SENP6: variants seen among roughly 807,000 people sequenced by gnomAD.
The protein encoded by SENP6 is SUMO specific peptidase 6.
In SENP6, 41 loss-of-function variants were observed where a neutral mutation model predicts 134.5. The ratio of observed to expected loss-of-function variants is 0.30; its 90% CI spans 0.24 to 0.40. The LOEUF (loss-of-function observed/expected upper bound fraction) is 0.40, where lower values mean the gene tolerates loss of function less well. SENP6 is among the 10% of genes least tolerant of loss of function. SENP6 has a pLI of 1.00. For missense variants in SENP6, 1,248 were observed against 1,312.5 expected (o/e 0.95, Z 0.76); for synonymous variants, 395 against 429.8 (o/e 0.92, Z 1.00).
At chr6:75,624,835 T>TA (rs1051280782) in intron 3 of SENP6, among the ~76,000 whole-genome samples, 14 of 151,950 alleles carry the variant, frequency 9.2e-5, no homozygotes, top group South Asian at 2.1e-4. Context: ...TTTAATTATT[T>TA]AAAAAAAATG....
In SENP6 at chr6:75,715,894, TATTTATAGGAGGAAATG is replaced by T. The variant is rs1775998900; in HGVS notation, c.*304_*320del. On this transcript the variant is annotated 3_prime_UTR_variant, in exon 24 of 24. Coordinates refer to ENST00000447266, the MANE Select transcript of SENP6 (RefSeq NM_015571.4). Reference sequence around the variant, plus strand: ...CTTCTAAACACAAATAAAAAGAAAATATTTATAGGAGGAAATGATTAATTTGATATTCTTTAGTGAAC... The same window carrying T: ...CTTCTAAACACAAATAAAAAGAAAATATTAATTTGATATTCTTTAGTGAAC... 1 of 186,068 alleles carries T rather than the reference TATTTATAGGAGGAAATG, an allele frequency of 5.4e-6. No individual in the cohort carries two copies. Among genetic ancestry groups the T allele is most frequent in the African/African-American group, 2.3e-5 (1 of 42,564 alleles). The allele number at this position is 186,068 out of a possible 1,614,324, so 11.5% of individuals were successfully genotyped here.
At chr6:75,660,462 T>C (rs1174170306) in intron 8 of SENP6, among the ~76,000 whole-genome samples, 4 of 152,340 alleles carry the variant, frequency 2.6e-5, no homozygotes, top group African/African-American at 9.6e-5. Flanking sequence ...TCTGTAACTT[T>C]CATGATGTTT....
chr6:75,602,641 C>T (rs1434836847), intron 1 of SENP6, 65 bp downstream of exon 1: 1 of 1,485,102 alleles, frequency 6.7e-7, no homozygotes, highest in Non-Finnish European at 9.2e-7. Flanking sequence ...GCCCCCAGAA[C>T]CCCGGATATT....
At chr6:75,660,972 C>T (rs1024133223) in intron 8 of SENP6, among the ~76,000 whole-genome samples, 1 of 152,112 alleles carries the variant, frequency 6.6e-6, no homozygotes, top group Non-Finnish European at 1.5e-5. Context: ...TCATTCATTT[C>T]TCTGAGGAGC....
intron 16 of SENP6, among the ~76,000 whole-genome samples, chr6:75,683,896 A>G (rs1339785783): frequency 6.6e-6 from 1 of 152,154 alleles, no homozygotes; most frequent in Non-Finnish European, 1.5e-5. Context: ...TTTTGGTTCC[A>G]TATGAACTTT....
chr6:75,675,353 A>G lies in SENP6; in HGVS notation c.1393-82A>G. The stretch of plus-strand genomic sequence containing the variant: ...AAGAGATAAACGAGTAATATAAGAA[A>G]CATTCTAAGTATTTGAATAAAAAAG... On this transcript the variant is annotated intron_variant, in intron 11 of 23. Transcript: ENST00000447266. 10 of 785,492 alleles carry G rather than the reference A, an allele frequency of 1.3e-5. No homozygotes were observed. In the South Asian group the frequency reaches 1.6e-4, roughly 13 times the overall value. 48.7% of individuals were successfully genotyped at this position (785,492 alleles called of 1,614,324 possible).
At chr6:75,626,544 A>G (rs1582700402) in intron 3 of SENP6, among the ~76,000 whole-genome samples, 2 of 152,138 alleles carry the variant, frequency 1.3e-5, no homozygotes, top group African/African-American at 4.8e-5. Context: ...CCTACTGATG[A>G]ATAGAGATTT....
intron 7 of SENP6, among the ~76,000 whole-genome samples, chr6:75,648,656 C>G (rs930032555): frequency 1.3e-5 from 2 of 152,104 alleles, no homozygotes; most frequent in Non-Finnish European, 2.9e-5. Flanking sequence ...ACTTTACATA[C>G]TAAGCATAGT....
At position 75,674,205 on chromosome 6, in the gene SENP6, G is replaced by T. The variant is rs958135306; in HGVS notation, c.1393-1230G>T. 2.6e-4 allele frequency among the ~76,000 whole-genome samples: 37 copies of T among 143,396 alleles called. No individual in the cohort carries two copies. In the Admixed American group the frequency reaches 2.7e-3, roughly 10 times the overall value. 94.1% of individuals were successfully genotyped at this position (143,396 alleles called of 152,430 possible). A position where few individuals can be genotyped will look rare whatever the true frequency, so the allele number is the denominator to read the frequency against. Reference sequence around the variant, plus strand: ...AAGGTCTCTCTTCGTTGCTCAGGCTGGAGTTCAGTGCTGCAGTCATAGCTA... The same window carrying T: ...AAGGTCTCTCTTCGTTGCTCAGGCTTGAGTTCAGTGCTGCAGTCATAGCTA... On this transcript the variant is annotated intron_variant, in intron 11 of 23. Coordinates refer to ENST00000447266, the MANE Select transcript of SENP6 (RefSeq NM_015571.4).
At chr6:75,672,728 ATGTT>A (rs1419229141) in intron 11 of SENP6, among the ~76,000 whole-genome samples, 1 of 152,218 alleles carries the variant, frequency 6.6e-6, no homozygotes, top group Non-Finnish European at 1.5e-5. Context: ...ATGTTTTACT[ATGTT>A]TAATGTTTTA....
In SENP6 at chr6:75,629,846, G is replaced by A. The variant is rs1768975060; in HGVS notation, c.208-3735G>A. On this transcript the variant is annotated intron_variant, in intron 3 of 23. Coordinates refer to ENST00000447266, the MANE Select transcript of SENP6 (RefSeq NM_015571.4). ...AGCCACATTTGAGGACTGCAACCTGGGAGCATAGATTTAGGTTCTCCCACA... is the reference window on the plus strand; with the variant it reads ...AGCCACATTTGAGGACTGCAACCTGAGAGCATAGATTTAGGTTCTCCCACA... Among the ~76,000 whole-genome samples, 7 of 152,178 alleles carry A rather than the reference G, an allele frequency of 4.6e-5. No individual in the cohort carries two copies. The South Asian group carries it at 1.5e-3, about 32-fold the overall frequency.
Position 75,705,971 on chromosome 6 carries a change from TAATC to T in SENP6, c.2716+2901_2716+2904del, listed in dbSNP as rs1378261771. Among the ~76,000 whole-genome samples, 4 of 137,018 alleles carry T rather than the reference TAATC, an allele frequency of 2.9e-5. No individual in the cohort carries two copies. In the East Asian group the frequency reaches 9.1e-4, roughly 31 times the overall value. The allele number at this position is 137,018 out of a possible 152,430, so 89.9% of individuals were successfully genotyped here. A position where few individuals can be genotyped will look rare whatever the true frequency, so the allele number is the denominator to read the frequency against. ...TTTTTTTTTGAGATGGAGTCTCTCT[TAATC>T]ACCCAGGCTGGAGTGCAGTGGCGTA... On this transcript the variant is annotated intron_variant, in intron 19 of 23. Coordinates refer to ENST00000447266, the MANE Select transcript of SENP6 (RefSeq NM_015571.4).
At chr6:75,640,736 G>A (rs1769964148) in intron 6 of SENP6, 32 bp downstream of exon 6, 3 of 1,325,046 alleles carry the variant, frequency 2.3e-6, no homozygotes, top group African/African-American at 1.5e-5. Flanking sequence ...TTAGAGCATG[G>A]ATATAGTGGT....
intron 6 of SENP6, among the ~76,000 whole-genome samples, chr6:75,641,533 T>G (rs1770025959): frequency 6.6e-6 from 1 of 152,222 alleles, no homozygotes; most frequent in African/African-American, 2.4e-5. Context: ...CATTATTTGT[T>G]CTCTTTGTAA....
At chr6:75,709,394 A>G in intron 19 of SENP6, 133 bp from the exon 20 acceptor site, 1 of 552,596 alleles carries the variant, frequency 1.8e-6, no homozygotes, top group Non-Finnish European at 3.2e-6. Context: ...TGTTTGTGAT[A>G]TTACACACTA....
intron 10 of SENP6, among the ~76,000 whole-genome samples, chr6:75,668,479 G>T (rs1028189892): frequency 6.6e-6 from 1 of 151,990 alleles, no homozygotes; most frequent in South Asian, 2.1e-4. Flanking sequence ...ATAAGGAAAG[G>T]AAATGAATAG....
intron 3 of SENP6, 107 bp downstream of exon 3, chr6:75,624,067 C>G: frequency 2.5e-6 from 2 of 804,162 alleles, no homozygotes; most frequent in South Asian, 3.7e-5. Context: ...CCCACTTTCT[C>G]CACTCCAGAG....
At chr6:75,697,349 T>C (rs1774727825) in intron 17 of SENP6, 76 bp from the exon 18 acceptor site, 1 of 1,033,716 alleles carries the variant, frequency 9.7e-7, no homozygotes. Flanking sequence ...TGAATCTTCT[T>C]AATTTATAAA....
chr6:75,629,894 A>T (rs657638), intron 3 of SENP6, among the ~76,000 whole-genome samples: 139,959 of 152,084 alleles, frequency 0.92, 64,988 homozygotes, highest in South Asian at 0.99. Context: ...TTAGCAGCAG[A>T]TATGAGTGAG....
Sources: allele counts gnomAD v4.1 joint callset (sites outside exome capture counted in the v4.1 genomes callset), GRCh38; gene constraint gnomAD v4.1.1; transcripts MANE v1.5; gene names NCBI Gene and HGNC (gene_info 2026-07-23, HGNC 2026-07-21).